The following ODAD2 variants were observed in gnomAD, a reference collection of about 807,000 sequenced individuals.
ODAD2 encodes outer dynein arm-docking complex subunit 2.
In ODAD2, 89 loss-of-function variants were observed where a neutral mutation model predicts 106.8. The ratio of observed to expected loss-of-function variants is 0.83; its 90% CI spans 0.70 to 0.99. ODAD2 has a LOEUF of 0.99. Among genes scored for constraint, ODAD2 ranks in the 50% least tolerant of loss-of-function variants. The pLI, the probability that ODAD2 is intolerant of heterozygous loss-of-function variation, is 0.00. For synonymous variants in ODAD2, 404 were observed against 436.2 expected (o/e 0.93, Z 0.92); for missense variants, 1,168 against 1,238.5 (o/e 0.94, Z 0.85).
At chr10:27,830,537 C>A (rs144541281) in intron 19 of ODAD2, among the ~76,000 whole-genome samples, 11 of 152,308 alleles carry the variant, frequency 7.2e-5, no homozygotes, top group African/African-American at 2.6e-4. Flanking sequence ...AAATCTTTAA[C>A]TTATGAAATT....
intron 17 of ODAD2, among the ~76,000 whole-genome samples, chr10:27,898,962 A>G (rs1304008921): frequency 6.6e-6 from 1 of 152,136 alleles, no homozygotes; most frequent in South Asian, 2.1e-4. Flanking sequence ...ATTTAGAGTC[A>G]AGTTAAATTT....
Position 27,882,225 on chromosome 10 carries a change from G to T in ODAD2, c.2611-19603C>A, listed in dbSNP as rs148606603. Among the ~76,000 whole-genome samples the T allele has an allele frequency of 6.7e-3, 1,018 of 150,840 alleles. 12 individuals are homozygous for T. Among genetic ancestry groups the T allele is most frequent in the African/African-American group, 0.024 (978 of 41,080 alleles). ...AGAAAGAAAGAAAGAAAGAAAGAAA[G>T]AAAGAAAGAAATATGAACTCTCTGA... On this transcript the variant is annotated intron_variant, in intron 17 of 19. Coordinates refer to ENST00000305242, the MANE Select transcript of ODAD2 (RefSeq NM_018076.5).
At chr10:27,882,377 G>A (rs1023921291) in intron 17 of ODAD2, among the ~76,000 whole-genome samples, 1 of 152,004 alleles carries the variant, frequency 6.6e-6, no homozygotes, top group Non-Finnish European at 1.5e-5. Context: ...TTTCTAAAAT[G>A]TGTTGCTGTT....
At chr10:27,846,289 A>G (rs1589811029) in intron 19 of ODAD2, among the ~76,000 whole-genome samples, 1 of 152,070 alleles carries the variant, frequency 6.6e-6, no homozygotes, top group East Asian at 1.9e-4. Flanking sequence ...CCGCTCAACT[A>G]CATGGAAACT....
chr10:27,832,432 G>T (rs962546274), intron 19 of ODAD2, among the ~76,000 whole-genome samples: 2 of 152,062 alleles, frequency 1.3e-5, no homozygotes, highest in Non-Finnish European at 2.9e-5. Context: ...GTCACATGCT[G>T]CTAGCTGACT....
intron 17 of ODAD2, 71 bp downstream of exon 17, chr10:27,907,592 T>C: frequency 9.9e-7 from 1 of 1,005,450 alleles, no homozygotes; most frequent in Admixed American, 2.0e-5. Flanking sequence ...AAGCAATTAG[T>C]AACCTGTGGT....
chr10:27,831,911 AG>A (rs1837508623), intron 19 of ODAD2, among the ~76,000 whole-genome samples: 2 of 152,200 alleles, frequency 1.3e-5, no homozygotes, highest in Non-Finnish European at 2.9e-5. Context: ...GCAGTCTGTG[AG>A]GGCACCAGGA....
In ODAD2 at chr10:27,812,435, A is replaced by C. The variant is rs7895005; in HGVS notation, c.*77T>G. 5.3e-4 allele frequency: 755 copies of C among 1,420,686 alleles called. 1 individual carries two copies. Among genetic ancestry groups the C allele is most frequent in the Non-Finnish European group, 6.7e-4 (697 of 1,038,674 alleles). The allele number at this position is 1,420,686 out of a possible 1,614,324, so 88.0% of individuals were successfully genotyped here. On this transcript the variant is annotated 3_prime_UTR_variant, in exon 20 of 20. Coordinates refer to ENST00000305242, the MANE Select transcript of ODAD2 (RefSeq NM_018076.5). ...AGGGTTTGCTAACAACTGTTTCCCA[A>C]TTTAGGCTTTCTGGCCATGGGAGTG...
At chr10:27,981,698 G>A (rs768653075) in intron 6 of ODAD2, 116 bp from the exon 7 acceptor site, 31 of 759,716 alleles carry the variant, frequency 4.1e-5, no homozygotes, top group African/African-American at 9.3e-5. Context: ...GATCTATATG[G>A]TAGTTTTAAT....
At chr10:27,827,379 C>CTATATATATATATATATATA (rs10580710) in intron 19 of ODAD2, among the ~76,000 whole-genome samples, 123 of 132,414 alleles carry the variant, frequency 9.3e-4, no homozygotes, top group African/African-American at 3.0e-3. Context: ...CACACACACA[C>CTATATATATATATATATATA]TATATATATA....
intron 7 of ODAD2, among the ~76,000 whole-genome samples, chr10:27,975,713 C>T (rs1007075818): frequency 1.3e-5 from 2 of 152,148 alleles, no homozygotes; most frequent in Admixed American, 6.5e-5. Context: ...ATTTAATAAA[C>T]CGACCAAACA....
At chr10:27,962,885 C>T (rs1848231975) in intron 9 of ODAD2, among the ~76,000 whole-genome samples, 1 of 152,084 alleles carries the variant, frequency 6.6e-6, no homozygotes, top group Admixed American at 6.6e-5. Flanking sequence ...GGATATTTAT[C>T]CTGATATTGT....
chr10:27,855,104 G>C (rs1839568357), intron 19 of ODAD2, among the ~76,000 whole-genome samples: 1 of 152,050 alleles, frequency 6.6e-6, no homozygotes, highest in Admixed American at 6.5e-5. Context: ...GTATGTGTGG[G>C]TGTAGGCATA....
chr10:27,971,173 C>A lies in ODAD2; in HGVS notation c.1077G>T (p.Trp359Cys). 6.2e-7 allele frequency: 1 copy of A among 1,613,890 alleles called. No homozygotes were observed. The highest frequency in any genetic ancestry group is 1.3e-5 in the African/African-American group (1 of 75,008). The change falls in exon 8 of 20, where the codon TGG becomes TGT. Residue 359 changes from tryptophan to cysteine, a missense_variant. Trp to Cys is a radical substitution (Grantham distance 215). Around this residue, in one of 3 missense-constraint regions of ODAD2, gnomAD observed 430 missense variants for 452.2 expected, o/e 0.95. Transcript: ENST00000305242. The stretch of plus-strand genomic sequence containing the variant: ...CCCATCTCTTGGTCATTTGATTCCT[C>A]CAAAAATTAATTTGGTTCTTCTCCA... ...RSLEKNQINF[W>C]RNQMTKRWEP...
intron 19 of ODAD2, among the ~76,000 whole-genome samples, chr10:27,830,173 T>G (rs1837366628): frequency 6.6e-6 from 1 of 152,138 alleles, no homozygotes; most frequent in Non-Finnish European, 1.5e-5. Flanking sequence ...ATAATAGGAG[T>G]GGAGCCTAAT....
chr10:27,823,004 T>C (rs927330364), intron 19 of ODAD2, among the ~76,000 whole-genome samples: 1 of 152,164 alleles, frequency 6.6e-6, no homozygotes, highest in Non-Finnish European at 1.5e-5. Context: ...ATGGGATATA[T>C]AATAGAGAGA....
At chr10:27,912,491 A>G (rs1844078818) in intron 16 of ODAD2, among the ~76,000 whole-genome samples, 1 of 152,146 alleles carries the variant, frequency 6.6e-6, no homozygotes, top group Admixed American at 6.6e-5. Context: ...CAGGACTGCT[A>G]TGAAGTTTTG....
chr10:27,940,256 AGTATATGTGATATATATATAAAT>A, intron 13 of ODAD2, among the ~76,000 whole-genome samples: 1 of 100,330 alleles, frequency 1.0e-5, no homozygotes, highest in African/African-American at 3.8e-5. Flanking sequence ...TATAAATGTC[AGTATATGTGATATATATATAAAT>A]GCCAGTATAT....
In ODAD2 at chr10:27,935,083, C is replaced by T. The variant is rs753521915; in HGVS notation, c.2422G>A (p.Gly808Arg). ...GIQPLVNLLV[G>R]INQALLVNVT... is the part of the protein sequence containing the mutation. ...TTCACAAGAAGAGCTTGGTTTATTC[C>T]AACAAGGAGGTTCACAAGTGGTTGA... The change falls in exon 16 of 20, where the codon GGA becomes AGA. Residue 808 changes from glycine (G) to arginine (R), a missense_variant. Around this residue, in one of 3 missense-constraint regions of ODAD2, gnomAD observed 701 missense variants for 712.3 expected, o/e 0.98. Transcript: ENST00000305242. 1.9e-6 allele frequency: 3 copies of T among 1,613,922 alleles called. No homozygotes were observed. The highest frequency in any genetic ancestry group is 2.5e-6 in the Non-Finnish European group (3 of 1,179,896).
Sources: gnomAD v4.1 joint callset for allele counts (sites outside exome capture counted in the v4.1 genomes callset) on GRCh38, gnomAD v4.1.1 for gene constraint, gnomAD v4.1.1 regional missense constraint, MANE v1.5 for transcripts, NCBI Gene and HGNC (gene_info 2026-07-23, HGNC 2026-07-21) for gene names.